Variants in SCN10A observed in about 807,000 individuals in gnomAD.
SCN10A encodes the protein sodium channel protein type 10 subunit alpha.
Under a neutral mutation model 170.7 loss-of-function variants are expected in SCN10A, and 162 were observed. That is an observed-to-expected ratio of 0.95 (90% CI 0.84 to 1.08). The LOEUF (loss-of-function observed/expected upper bound fraction) is 1.08, where lower values mean the gene tolerates loss of function less well. Ranked by LOEUF, SCN10A falls within the 50% of genes least tolerant of loss-of-function variation. The pLI, the probability that SCN10A is intolerant of heterozygous loss-of-function variation, is 0.00. For missense variants in SCN10A, 2,527 were observed against 2,436.9 expected, an observed-to-expected ratio of 1.04 and a Z score of -0.78; for synonymous variants, 985 against 904.6, an observed-to-expected ratio of 1.09 and a Z score of -1.59.
intron 10 of SCN10A, 83 bp downstream of exon 10, chr3:38,756,591 C>T: frequency 1.8e-6 from 2 of 1,121,986 alleles, no homozygotes; most frequent in East Asian, 2.3e-5. Context: ...AAACGGTGCC[C>T]TAATTGAAGT....
chr3:38,704,424 T>C (rs2063188534), intron 26 of SCN10A, among the ~76,000 whole-genome samples: 1 of 152,218 alleles, frequency 6.6e-6, no homozygotes, highest in Non-Finnish European at 1.5e-5. Context: ...GTTAAGTGGC[T>C]GGGTGTGAAG....
intron 13 of SCN10A, among the ~76,000 whole-genome samples, chr3:38,745,104 G>A (rs57203624): frequency 0.091 from 13,921 of 152,246 alleles, 1,119 homozygotes; most frequent in African/African-American, 0.2. Flanking sequence ...CATTTTGGCA[G>A]GAAGCAGCCA....
intron 4 of SCN10A, among the ~76,000 whole-genome samples, chr3:38,778,146 T>C (rs1404386559): frequency 6.6e-6 from 1 of 152,090 alleles, no homozygotes; most frequent in South Asian, 2.1e-4. Flanking sequence ...GCATGCAGTG[T>C]TAAACACCCA....
In SCN10A at chr3:38,722,308, A is replaced by C; in HGVS notation, c.3457T>G (p.Trp1153Gly). 6.2e-7 allele frequency: 1 copy of C among 1,614,152 alleles called. No homozygotes were observed. Among genetic ancestry groups the C allele is most frequent in the Non-Finnish European group, 8.5e-7 (1 of 1,180,024 alleles). The part of the protein sequence containing the change: ...KTCYRIVEHS[W>G]FESFIIFMIL... Reference sequence around the variant, plus strand: ...ATGAAGATGATGAAGCTCTCAAACCAGCTGTGCTCCACGATACGGTAGCAA... The same window carrying C: ...ATGAAGATGATGAAGCTCTCAAACCCGCTGTGCTCCACGATACGGTAGCAA... The change falls in exon 20 of 28, where the codon TGG becomes GGG. Residue 1153 changes from tryptophan (W) to glycine (G), a missense_variant. By Grantham distance (184) the Trp-to-Gly change is radical (BLOSUM62 -2). Coordinates refer to ENST00000449082, the MANE Select transcript of SCN10A (RefSeq NM_006514.4).
intron 15 of SCN10A, among the ~76,000 whole-genome samples, chr3:38,730,381 A>G (rs1007772380): frequency 3.3e-5 from 5 of 152,256 alleles, no homozygotes; most frequent in African/African-American, 7.2e-5. Context: ...AGTGCTCTGC[A>G]GAATTAAATG....
intron 14 of SCN10A, among the ~76,000 whole-genome samples, chr3:38,741,150 C>T (rs918314148): frequency 2.6e-5 from 4 of 152,150 alleles, no homozygotes; most frequent in Non-Finnish European, 5.9e-5. Flanking sequence ...AGTCTGCAGC[C>T]TATAAGAAGC....
chr3:38,707,456 G>C, intron 25 of SCN10A, 73 bp from the exon 26 acceptor site: 10 of 1,487,142 alleles, frequency 6.7e-6, no homozygotes, highest in Non-Finnish European at 9.4e-6. Context: ...ACAGGCAGGA[G>C]AGAAAGGATC....
intron 4 of SCN10A, among the ~76,000 whole-genome samples, chr3:38,778,628 A>C (rs1359136738): frequency 6.6e-6 from 1 of 152,022 alleles, no homozygotes; most frequent in African/African-American, 2.4e-5. Flanking sequence ...TGTTAAGAAC[A>C]TGGCAATAAG....
chr3:38,734,027 TA>T (rs923815985), intron 15 of SCN10A, among the ~76,000 whole-genome samples: 3 of 151,816 alleles, frequency 2.0e-5, no homozygotes, highest in African/African-American at 4.8e-5. Context: ...GCCTTCTTTT[TA>T]TTGTTTTCAA....
At chr3:38,793,397 C>G (rs917326495) in intron 2 of SCN10A, among the ~76,000 whole-genome samples, 9 of 152,206 alleles carry the variant, frequency 5.9e-5, no homozygotes, top group African/African-American at 2.2e-4. Flanking sequence ...ATGCTCCTCC[C>G]CCAACCTCAA....
Position 38,697,937 on chromosome 3 carries a change from A to C in SCN10A, c.5283T>G (p.Phe1761Leu), listed in dbSNP as rs751237565. The C allele has an allele frequency of 1.7e-5, 28 of 1,614,002 alleles. No homozygotes were observed. Among genetic ancestry groups the C allele is most frequent in the Non-Finnish European group, 2.2e-5 (26 of 1,180,020 alleles). The change falls in exon 28 of 28, where the codon TTT becomes TTG. Residue 1761 changes from phenylalanine (F) to leucine (L), a missense_variant. Phe to Leu is a conservative substitution (Grantham distance 22, BLOSUM62 0). Coordinates refer to ENST00000449082, the MANE Select transcript of SCN10A (RefSeq NM_006514.4). ...FDPEATQFIT[F>L]SALSDFADTL... ...TGTCTGCAAAGTCCGAGAGAGCAGA[A>C]AAGGTAATAAACTGAGTGGCCTCTG...
chr3:38,716,748 G>T (rs754065137), intron 21 of SCN10A, among the ~76,000 whole-genome samples: 1 of 152,244 alleles, frequency 6.6e-6, no homozygotes, highest in Non-Finnish European at 1.5e-5. Context: ...TGAATGGATA[G>T]ATGAGATAGG....
chr3:38,746,118 A>C (rs2063687808), intron 13 of SCN10A, among the ~76,000 whole-genome samples: 1 of 99,728 alleles, frequency 1.0e-5, no homozygotes, highest in African/African-American at 3.4e-5. Context: ...TTGTCATCTA[A>C]GTTCTAGACC....
At chr3:38,701,800 C>A (rs188616319) in intron 27 of SCN10A, 39 bp downstream of exon 27, 2 of 1,555,098 alleles carry the variant, frequency 1.3e-6, no homozygotes, top group Non-Finnish European at 1.7e-6. Context: ...GACCCCCAAA[C>A]AGAGGTGGGG....
At chr3:38,809,475 T>G (rs1433157941) in intron 1 of SCN10A, among the ~76,000 whole-genome samples, 1 of 152,170 alleles carries the variant, frequency 6.6e-6, no homozygotes, top group Non-Finnish European at 1.5e-5. Context: ...TCTTTCTCAT[T>G]CTGTTGAATA....
intron 1 of SCN10A, among the ~76,000 whole-genome samples, chr3:38,813,363 A>T (rs1349061040): frequency 6.6e-6 from 1 of 152,196 alleles, no homozygotes; most frequent in Non-Finnish European, 1.5e-5. Context: ...GTAACCAGCT[A>T]CATGGCCTTG....
In SCN10A at chr3:38,793,729, A is replaced by C. The variant is rs761698317; in HGVS notation, c.270+12T>G. 2 of 1,607,356 alleles carry C rather than the reference A, an allele frequency of 1.2e-6. No homozygotes were observed. The highest frequency in any genetic ancestry group is 1.7e-6 in the Non-Finnish European group (2 of 1,175,202). Reference sequence around the variant, plus strand: ...AGAGCTGAGAGCAGACATTCCTACTAGTAGCTCTTACCCGGTGTGTGCTGT... The same window carrying C: ...AGAGCTGAGAGCAGACATTCCTACTCGTAGCTCTTACCCGGTGTGTGCTGT... On this transcript the variant is annotated intron_variant, in intron 2 of 27. Coordinates refer to ENST00000449082, the MANE Select transcript of SCN10A (RefSeq NM_006514.4).
chr3:38,771,870 C>G (rs886724400), intron 4 of SCN10A, among the ~76,000 whole-genome samples: 1 of 152,152 alleles, frequency 6.6e-6, no homozygotes, highest in Non-Finnish European at 1.5e-5. Flanking sequence ...CAGAAGCAAG[C>G]CAAGCTATGC....
intron 14 of SCN10A, 119 bp from the exon 15 acceptor site, chr3:38,739,807 T>C: frequency 1.2e-6 from 1 of 825,244 alleles, no homozygotes; most frequent in Non-Finnish European, 1.9e-6. Flanking sequence ...TTTGTTCAGT[T>C]GCTATGTTAT....
Sources: allele counts gnomAD v4.1 joint callset (sites outside exome capture counted in the v4.1 genomes callset), GRCh38; gene constraint gnomAD v4.1.1; transcripts MANE v1.5; gene names NCBI Gene and HGNC (gene_info 2026-07-23, HGNC 2026-07-21).